MYT1L: variants seen among roughly 807,000 people sequenced by gnomAD.
MYT1L encodes myelin transcription factor 1 like, also known as myelin transcription factor 1-like protein.
In MYT1L, 12 loss-of-function variants were observed where a neutral mutation model predicts 126.7. The observed-to-expected ratio is 0.09, with a 90% CI of 0.06 to 0.15. The LOEUF (loss-of-function observed/expected upper bound fraction) is 0.15, where lower values mean the gene tolerates loss of function less well. Ranked by LOEUF, MYT1L falls within the 10% of genes least tolerant of loss-of-function variation. MYT1L has a pLI of 1.00. For synonymous variants in MYT1L, 541 were observed against 604.2 expected, an observed-to-expected ratio of 0.90 and a Z score of 1.53; for missense variants, 979 against 1,585.2, an observed-to-expected ratio of 0.62 and a Z score of 6.49.
intron 4 of MYT1L, among the ~76,000 whole-genome samples, chr2:2,006,803 T>C (rs568030571): frequency 1.1e-3 from 168 of 152,038 alleles, no homozygotes; most frequent in Middle Eastern, 0.01. Context: ...CTCCAAGTCC[T>C]GAGCTCAAAT....
chr2:2,026,941 G>A (rs905682980), intron 4 of MYT1L, among the ~76,000 whole-genome samples: 15 of 152,122 alleles, frequency 9.9e-5, no homozygotes, highest in South Asian at 6.2e-4. Context: ...GTGGGGCCCC[G>A]TCACGACCAG....
intron 5 of MYT1L, among the ~76,000 whole-genome samples, chr2:1,991,982 G>C (rs951212494): frequency 6.6e-6 from 1 of 152,100 alleles, no homozygotes; most frequent in Non-Finnish European, 1.5e-5. Flanking sequence ...TCGAACTGGC[G>C]TTTTCAGCCC....
At chr2:2,194,084 A>G (rs1337727188) in intron 2 of MYT1L, among the ~76,000 whole-genome samples, 1 of 151,818 alleles carries the variant, frequency 6.6e-6, no homozygotes, top group Admixed American at 6.6e-5. Context: ...TTATTCATAT[A>G]TATATATATT....
At chr2:2,267,928 G>T (rs2095173229) in intron 2 of MYT1L, among the ~76,000 whole-genome samples, 1 of 152,020 alleles carries the variant, frequency 6.6e-6, no homozygotes, top group South Asian at 2.1e-4. Flanking sequence ...CACCACTCAA[G>T]TTCCTTTAAG....
chr2:1,896,205 G>A (rs1294597467), intron 14 of MYT1L, among the ~76,000 whole-genome samples: 1 of 152,176 alleles, frequency 6.6e-6, no homozygotes, highest in African/African-American at 2.4e-5. Flanking sequence ...TGGAGAGGCT[G>A]TGGAGAAAAG....
Position 1,910,842 on chromosome 2 carries a change from A to C in MYT1L, c.1710-495T>G, listed in dbSNP as rs1426745897. Among the ~76,000 whole-genome samples, 1 of 152,204 alleles carries C rather than the reference A, an allele frequency of 6.6e-6. No homozygotes were observed. The highest frequency in any genetic ancestry group is 1.5e-5 in the Non-Finnish European group (1 of 68,034). On this transcript the variant is annotated intron_variant, in intron 12 of 24. Transcript: ENST00000647738. The surrounding 1 kb of genome is among the most constrained non-coding windows in gnomAD (Gnocchi z 4.8). Reference sequence around the variant, plus strand: ...TAGCCCTTTGGTGTTCTCCACAAGCAGGGAAATGAAAGTGGAGAGGAAAGC... The same window carrying C: ...TAGCCCTTTGGTGTTCTCCACAAGCCGGGAAATGAAAGTGGAGAGGAAAGC...
intron 8 of MYT1L, among the ~76,000 whole-genome samples, chr2:1,973,722 G>C (rs745386736): frequency 1.2e-4 from 19 of 152,196 alleles, no homozygotes; most frequent in Non-Finnish European, 2.5e-4. Context: ...GAGATAGCAG[G>C]CTTTGGTGTG....
intron 3 of MYT1L, among the ~76,000 whole-genome samples, chr2:2,060,712 C>T (rs2070315187): frequency 9.3e-6 from 1 of 106,960 alleles, no homozygotes; most frequent in Non-Finnish European, 1.8e-5. Context: ...CTCTTCCCTT[C>T]CCTCCCCCCT....
chr2:2,251,954 G>T (rs1339982443), intron 2 of MYT1L, among the ~76,000 whole-genome samples: 2 of 151,834 alleles, frequency 1.3e-5, no homozygotes, highest in Non-Finnish European at 2.9e-5. Flanking sequence ...AAAAGGGAAC[G>T]GCAAGGCAAG....
intron 2 of MYT1L, among the ~76,000 whole-genome samples, chr2:2,178,157 T>C (rs2091036474): frequency 6.6e-6 from 1 of 152,104 alleles, no homozygotes; most frequent in African/African-American, 2.4e-5. Flanking sequence ...CAAAATAAAC[T>C]GAAAAATTTA....
At chr2:1,893,409 C>A (rs1333063775) in intron 14 of MYT1L, among the ~76,000 whole-genome samples, 1 of 152,128 alleles carries the variant, frequency 6.6e-6, no homozygotes, top group Admixed American at 6.5e-5. Flanking sequence ...TTAGGAAGCA[C>A]CTTCTTCCCC....
rs575919177 is a variant in MYT1L, at chr2:2,018,019, G to A, written c.-157-20672C>T. ...AAATTAAGTTTATTTCTCACTATTC[G>A]TGCCTTTATCCTATACACACACAAA... On this transcript the variant is annotated intron_variant, in intron 4 of 24. Coordinates refer to ENST00000647738, the MANE Select transcript of MYT1L (RefSeq NM_001303052.2). 4.6e-4 allele frequency among the ~76,000 whole-genome samples: 70 copies of A among 152,086 alleles called. 1 individual carries two copies. Among genetic ancestry groups the A allele is most frequent in the African/African-American group, 1.6e-3 (65 of 41,488 alleles).
intron 21 of MYT1L, among the ~76,000 whole-genome samples, chr2:1,814,204 G>A (rs759607401): frequency 1.2e-4 from 18 of 151,930 alleles, no homozygotes; most frequent in Non-Finnish European, 2.2e-4. Flanking sequence ...CTAGGTGAAC[G>A]CCCCTGGCAC....
At chr2:2,264,552 AATT>A (rs1319870364) in intron 2 of MYT1L, among the ~76,000 whole-genome samples, 2 of 152,192 alleles carry the variant, frequency 1.3e-5, no homozygotes, top group Non-Finnish European at 1.5e-5. Flanking sequence ...GTAAGGCACT[AATT>A]CTGCGGGGTT....
chr2:2,085,925 C>T (rs989064380), intron 3 of MYT1L, among the ~76,000 whole-genome samples: 7 of 152,208 alleles, frequency 4.6e-5, no homozygotes, highest in African/African-American at 1.7e-4. Context: ...CCCTTTTCTC[C>T]CAGCCCCTCC....
chr2:1,826,434 G>C (rs917508079), intron 21 of MYT1L, among the ~76,000 whole-genome samples: 2 of 152,128 alleles, frequency 1.3e-5, no homozygotes, highest in Non-Finnish European at 2.9e-5. Context: ...GCAGGGTCGC[G>C]CTCCACCCTG....
intron 2 of MYT1L, among the ~76,000 whole-genome samples, chr2:2,282,881 C>A (rs908678348): frequency 6.6e-6 from 1 of 152,190 alleles, no homozygotes; most frequent in Non-Finnish European, 1.5e-5. Flanking sequence ...TGGAGACCAG[C>A]CTGGCCAACA....
intron 18 of MYT1L, among the ~76,000 whole-genome samples, chr2:1,870,879 T>G (rs2046192810): frequency 6.6e-6 from 1 of 152,240 alleles, no homozygotes; most frequent in South Asian, 2.1e-4. Context: ...GGAAGCAGGT[T>G]GCAGTGTGTG....
intron 4 of MYT1L, among the ~76,000 whole-genome samples, chr2:1,998,512 C>T (rs1252828873): frequency 6.6e-6 from 1 of 152,166 alleles, no homozygotes; most frequent in Admixed American, 6.5e-5. Context: ...GAGCCCTAAA[C>T]CCTTTCCTTG....
Sources: allele counts gnomAD v4.1 joint callset (sites outside exome capture counted in the v4.1 genomes callset), GRCh38; gene constraint gnomAD v4.1.1; non-coding constraint Gnocchi (gnomAD v3.1); transcripts MANE v1.5; gene names NCBI Gene and HGNC (gene_info 2026-07-23, HGNC 2026-07-21).